Variants in SLIT2 observed in about 807,000 individuals in gnomAD.
SLIT2 encodes the protein slit guidance ligand 2.
In SLIT2, 41 loss-of-function variants were observed where a neutral mutation model predicts 185.7. The observed-to-expected ratio is 0.22, with a 90% CI of 0.17 to 0.29. SLIT2 has a LOEUF of 0.29. SLIT2 is among the 10% of genes least tolerant of loss of function. SLIT2 has a pLI of 1.00. For missense variants in SLIT2, 1,571 were observed against 1,909.0 expected (o/e 0.82, Z 3.30); for synonymous variants, 693 against 680.2 (o/e 1.02, Z -0.29).
chr4:20,379,145 G>A (rs1724276017), intron 4 of SLIT2, among the ~76,000 whole-genome samples: 1 of 152,072 alleles, frequency 6.6e-6, no homozygotes, highest in South Asian at 2.1e-4. Context: ...GATTCCTAAT[G>A]TAAACTGTGG....
chr4:20,453,738 G>A (rs573333710), intron 4 of SLIT2, among the ~76,000 whole-genome samples: 7 of 152,306 alleles, frequency 4.6e-5, no homozygotes, highest in Non-Finnish European at 8.8e-5. Context: ...GAAATATGCA[G>A]TATTGCACAC....
chr4:20,283,118 G>A (rs1046770560), intron 4 of SLIT2, among the ~76,000 whole-genome samples: 11 of 113,278 alleles, frequency 9.7e-5, no homozygotes, highest in African/African-American at 1.7e-4. Context: ...GTGTGCGCGC[G>A]CGCACACACA....
At chr4:20,499,954 A>G (rs1405642782) in intron 9 of SLIT2, among the ~76,000 whole-genome samples, 1 of 152,190 alleles carries the variant, frequency 6.6e-6, no homozygotes. Flanking sequence ...AATATCTATC[A>G]TGCTATGCAA....
rs11930250 is a variant in SLIT2 at position 20,421,390 on chromosome 4, G to A, written c.396-46362G>A. Among the ~76,000 whole-genome samples, 432 of 152,238 alleles carry A rather than the reference G, an allele frequency of 2.8e-3. 3 individuals are homozygous for A. The highest frequency in any genetic ancestry group is 9.9e-3 in the African/African-American group (410 of 41,534). ...CTTTTCATTTCTTGCCTGCAGTGGA[G>A]AGAGCTGATTCACGATGAGTTCCTC... On this transcript the variant is annotated intron_variant, in intron 4 of 36. Coordinates refer to ENST00000504154, the MANE Select transcript of SLIT2 (RefSeq NM_004787.4).
chr4:20,409,824 A>G (rs550290572), intron 4 of SLIT2, among the ~76,000 whole-genome samples: 15 of 152,164 alleles, frequency 9.9e-5, no homozygotes, highest in Admixed American at 3.3e-4. Context: ...ATGATCAGTG[A>G]CGTTGGATTT....
intron 18 of SLIT2, among the ~76,000 whole-genome samples, chr4:20,534,448 A>G (rs1722088799): frequency 6.6e-6 from 1 of 152,214 alleles, no homozygotes; most frequent in Non-Finnish European, 1.5e-5. Context: ...TCAATCAAAC[A>G]TACTTACAAC....
In SLIT2 at chr4:20,548,520, C is replaced by T. The variant is rs138378764; in HGVS notation, c.2378C>T (p.Ser793Phe). The change falls in exon 23 of 37, where the codon TCT (serine) becomes TTT (phenylalanine). Residue 793 changes from serine to phenylalanine, a missense_variant. By Grantham distance (155) the Ser-to-Phe change is radical (BLOSUM62 -2). This residue lies in a region of SLIT2 where 1,202 missense variants were observed against 1,416.4 expected (regional missense o/e 0.85). Coordinates refer to ENST00000504154, the MANE Select transcript of SLIT2 (RefSeq NM_004787.4). ...AGTAACAACAGAATAAGCACGCTTT[C>T]TAATCAGAGCTTCAGCAACATGACC... ...DLSNNRISTL[S>F]NQSFSNMTQL... 1 of 1,607,426 alleles carries T rather than the reference C, an allele frequency of 6.2e-7. No individual in the cohort carries two copies. The highest frequency in any genetic ancestry group is 1.3e-5 in the African/African-American group (1 of 74,870).
intron 4 of SLIT2, among the ~76,000 whole-genome samples, chr4:20,429,312 A>G (rs1424222138): frequency 6.6e-6 from 1 of 152,178 alleles, no homozygotes; most frequent in Non-Finnish European, 1.5e-5. Flanking sequence ...CAATTTTTGT[A>G]AATGTTAAAA....
intron 4 of SLIT2, among the ~76,000 whole-genome samples, chr4:20,451,294 C>T (rs551909547): frequency 1.2e-4 from 18 of 152,270 alleles, no homozygotes; most frequent in African/African-American, 4.3e-4. Flanking sequence ...TTACATTTCC[C>T]TCCCCAATGT....
At chr4:20,578,298 A>G (rs891541971) in intron 29 of SLIT2, among the ~76,000 whole-genome samples, 2 of 152,144 alleles carry the variant, frequency 1.3e-5, no homozygotes, top group African/African-American at 2.4e-5. Flanking sequence ...GTGTACTTTT[A>G]AGAAACTAAA....
chr4:20,259,551 A>T (rs1193777625), intron 3 of SLIT2, among the ~76,000 whole-genome samples: 1 of 151,794 alleles, frequency 6.6e-6, no homozygotes, highest in East Asian at 1.9e-4. Flanking sequence ...CTAGAACTAA[A>T]CAAACTTTCT....
At chr4:20,417,726 G>T (rs1330764840) in intron 4 of SLIT2, among the ~76,000 whole-genome samples, 1 of 151,322 alleles carries the variant, frequency 6.6e-6, no homozygotes, top group Non-Finnish European at 1.5e-5. Context: ...CACTATGTTG[G>T]CCAGGATGGT....
At chr4:20,428,118 T>A (rs185094831) in intron 4 of SLIT2, among the ~76,000 whole-genome samples, 3 of 152,354 alleles carry the variant, frequency 2.0e-5, no homozygotes, top group Admixed American at 2.0e-4. Flanking sequence ...ACTCTTAATG[T>A]CATGTGTTTG....
intron 4 of SLIT2, among the ~76,000 whole-genome samples, chr4:20,411,244 A>G (rs1727238586): frequency 6.6e-6 from 1 of 152,232 alleles, no homozygotes; most frequent in South Asian, 2.1e-4. Flanking sequence ...TCGAGGCACC[A>G]CATTCAGCTT....
At chr4:20,404,472 T>G (rs990679056) in intron 4 of SLIT2, among the ~76,000 whole-genome samples, 1 of 151,954 alleles carries the variant, frequency 6.6e-6, no homozygotes, top group African/African-American at 2.4e-5. Flanking sequence ...AGGTTAAGTT[T>G]TGGATAATGA....
At chr4:20,464,524 A>C (rs1172119979) in intron 4 of SLIT2, among the ~76,000 whole-genome samples, 2 of 152,146 alleles carry the variant, frequency 1.3e-5, no homozygotes, top group African/African-American at 4.8e-5. Context: ...GCTCCATCCC[A>C]CTGACTCAGT....
At chr4:20,388,015 C>T (rs1489117720) in intron 4 of SLIT2, among the ~76,000 whole-genome samples, 1 of 152,082 alleles carries the variant, frequency 6.6e-6, no homozygotes, top group African/African-American at 2.4e-5. Context: ...GTAGAAAAAG[C>T]ATTTGACAAA....
intron 4 of SLIT2, among the ~76,000 whole-genome samples, chr4:20,320,454 T>C (rs1014385195): frequency 1.3e-5 from 2 of 152,128 alleles, no homozygotes; most frequent in East Asian, 3.9e-4. Context: ...AGATGTAAAA[T>C]GCAGGAAACA....
chr4:20,486,334 T>TATGC (rs1717233322), intron 7 of SLIT2, 63 bp downstream of exon 7: 1 of 975,820 alleles, frequency 1.0e-6, no homozygotes, highest in African/African-American at 1.6e-5. Flanking sequence ...TTAAATAGCA[T>TATGC]GTTCAGTAAG....
Sources: gnomAD v4.1 joint callset for allele counts (sites outside exome capture counted in the v4.1 genomes callset) on GRCh38, gnomAD v4.1.1 for gene constraint, gnomAD v4.1.1 regional missense constraint, MANE v1.5 for transcripts, NCBI Gene and HGNC (gene_info 2026-07-23, HGNC 2026-07-21) for gene names.